The following SLC35F3 variants were observed in gnomAD, a reference collection of about 807,000 sequenced individuals.
The protein encoded by SLC35F3 is putative thiamine transporter SLC35F3.
In SLC35F3, 25 loss-of-function variants were observed where a neutral mutation model predicts 49.9. The ratio of observed to expected loss-of-function variants is 0.50; its 90% CI spans 0.37 to 0.70. The LOEUF (loss-of-function observed/expected upper bound fraction) is 0.70. SLC35F3 is among the 30% of genes least tolerant of loss of function. The probability of loss-of-function intolerance (pLI) is 0.00; values close to 1 mark genes in which losing one functional copy is unlikely to be tolerated. For synonymous variants in SLC35F3, 275 were observed against 265.4 expected (o/e 1.04, Z -0.35); for missense variants, 525 against 639.8 (o/e 0.82, Z 1.94).
At chr1:234,015,079 C>T (rs1241511603) in intron 2 of SLC35F3, among the ~76,000 whole-genome samples, 2 of 152,174 alleles carry the variant, frequency 1.3e-5, no homozygotes, top group East Asian at 1.9e-4. Context: ...GGTACAGTGG[C>T]TCATGCCTGT....
chr1:234,170,820 G>A (rs901578085), intron 2 of SLC35F3, among the ~76,000 whole-genome samples: 4 of 151,608 alleles, frequency 2.6e-5, no homozygotes, highest in Non-Finnish European at 4.4e-5. Context: ...TTGCACGAAC[G>A]CAATTTCCTT....
chr1:234,086,647 G>C (rs1459482215), intron 2 of SLC35F3, among the ~76,000 whole-genome samples: 1 of 152,158 alleles, frequency 6.6e-6, no homozygotes, highest in East Asian at 1.9e-4. Context: ...GGGCATTCTT[G>C]GCTGGGATGT....
chr1:233,997,608 G>T (rs1178637083), intron 2 of SLC35F3, among the ~76,000 whole-genome samples: 5 of 152,008 alleles, frequency 3.3e-5, no homozygotes, highest in Non-Finnish European at 5.9e-5. Flanking sequence ...CTCATAATAA[G>T]CATCGTTCTC....
At chr1:234,079,499 T>A (rs1664843609) in intron 2 of SLC35F3, among the ~76,000 whole-genome samples, 1 of 152,210 alleles carries the variant, frequency 6.6e-6, no homozygotes, top group South Asian at 2.1e-4. Context: ...TTTTGCAAAT[T>A]ATATATTTTG....
At chr1:233,983,492 A>T (rs1663218113) in intron 2 of SLC35F3, among the ~76,000 whole-genome samples, 1 of 152,218 alleles carries the variant, frequency 6.6e-6, no homozygotes, top group Admixed American at 6.5e-5. Flanking sequence ...AGCATAGCAA[A>T]AGGCAAGAGT....
At chr1:234,319,581 A>G (rs1657567999) in intron 6 of SLC35F3, among the ~76,000 whole-genome samples, 1 of 149,426 alleles carries the variant, frequency 6.7e-6, no homozygotes, top group Non-Finnish European at 1.5e-5. Context: ...GTGCACCTGC[A>G]GTCCCAGCTA....
chr1:234,181,744 A>C (rs1255623439), intron 2 of SLC35F3, among the ~76,000 whole-genome samples: 1 of 151,962 alleles, frequency 6.6e-6, no homozygotes, highest in Non-Finnish European at 1.5e-5. Context: ...AATTAGATAA[A>C]AGTTTGCTTG....
intron 3 of SLC35F3, among the ~76,000 whole-genome samples, chr1:234,294,554 G>C (rs571481014): frequency 6.6e-6 from 1 of 152,180 alleles, no homozygotes; most frequent in African/African-American, 2.4e-5. Context: ...TCTAAAGTAC[G>C]GAAGTCGGAG....
intron 2 of SLC35F3, among the ~76,000 whole-genome samples, chr1:234,126,476 C>CGTGTGT (rs147108235): frequency 0.023 from 2,686 of 119,370 alleles, 71 homozygotes; most frequent in African/African-American, 0.08. Flanking sequence ...CCCTGTTTTA[C>CGTGTGT]ATGTGTGTGT....
chr1:234,011,205 G>A (rs1413990413), intron 2 of SLC35F3, among the ~76,000 whole-genome samples: 1 of 152,094 alleles, frequency 6.6e-6, no homozygotes, highest in South Asian at 2.1e-4. Context: ...TTGTGAATCA[G>A]TGTAGGATGT....
chr1:233,986,021 T>TA (rs1663261448), intron 2 of SLC35F3, among the ~76,000 whole-genome samples: 1 of 152,242 alleles, frequency 6.6e-6, no homozygotes, highest in South Asian at 2.1e-4. Context: ...TTGAGCAACT[T>TA]ACTTAAGGTC....
intron 2 of SLC35F3, among the ~76,000 whole-genome samples, chr1:234,172,597 G>A (rs1033428285): frequency 6.6e-6 from 1 of 152,146 alleles, no homozygotes; most frequent in Non-Finnish European, 1.5e-5. Flanking sequence ...GCATCTCTAG[G>A]CGACTTCATC....
At chr1:233,905,228 TCGGGGAAGG>T in intron 1 of SLC35F3, 98 bp downstream of exon 1, 1 of 1,351,956 alleles carries the variant, frequency 7.4e-7, no homozygotes, top group Non-Finnish European at 1.0e-6. Context: ...AGTCTGAGGC[TCGGGGAAGG>T]GCGGCGCGCG....
At chr1:234,089,651 T>C (rs1373458723) in intron 2 of SLC35F3, among the ~76,000 whole-genome samples, 1 of 152,178 alleles carries the variant, frequency 6.6e-6, no homozygotes, top group East Asian at 1.9e-4. Flanking sequence ...CATCTTAATA[T>C]GCACAGGGCT....
chr1:234,000,575 C>A (rs1271602602), intron 2 of SLC35F3, among the ~76,000 whole-genome samples: 2 of 152,130 alleles, frequency 1.3e-5, no homozygotes, highest in African/African-American at 2.4e-5. Context: ...ACAAGCAGTG[C>A]TACTGATTTC....
At chr1:234,206,867 C>T (rs1463258622) in intron 2 of SLC35F3, among the ~76,000 whole-genome samples, 2 of 152,076 alleles carry the variant, frequency 1.3e-5, no homozygotes, top group Admixed American at 6.5e-5. Context: ...CTGCAGGTCC[C>T]GGCCAGCCTG....
intron 2 of SLC35F3, among the ~76,000 whole-genome samples, chr1:234,116,854 A>G (rs1665495565): frequency 1.3e-5 from 2 of 152,080 alleles, no homozygotes. Context: ...CTTTTTACAT[A>G]TTCCCATCAT....
chr1:234,209,883 A>G (rs1019872855), intron 2 of SLC35F3, among the ~76,000 whole-genome samples: 2 of 152,202 alleles, frequency 1.3e-5, no homozygotes. Context: ...TTTGTTAACT[A>G]TTTGACTCTG....
chr1:234,239,943 C>A (rs1220049626), intron 3 of SLC35F3, among the ~76,000 whole-genome samples: 1 of 152,140 alleles, frequency 6.6e-6, no homozygotes, highest in African/African-American at 2.4e-5. Flanking sequence ...CCTGTGGGCT[C>A]CCACAGCTTC....
Sources: gnomAD v4.1 joint callset for allele counts (sites outside exome capture counted in the v4.1 genomes callset) on GRCh38, gnomAD v4.1.1 for gene constraint, MANE v1.5 for transcripts, NCBI Gene and HGNC (gene_info 2026-07-23, HGNC 2026-07-21) for gene names.